The following THSD7A variants were observed in gnomAD, a reference collection of about 807,000 sequenced individuals.
THSD7A encodes thrombospondin type 1 domain containing 7A.
THSD7A carries 96 observed loss-of-function variants against 231.3 expected under a neutral mutation model. The ratio of observed to expected loss-of-function variants is 0.41; its 90% CI spans 0.35 to 0.49. The LOEUF (loss-of-function observed/expected upper bound fraction) is 0.49. THSD7A is among the 20% of genes least tolerant of loss of function. THSD7A has a pLI of 0.05. For missense variants in THSD7A, 2,290 were observed against 2,070.2 expected, an observed-to-expected ratio of 1.11 and a Z score of -2.06; for synonymous variants, 940 against 743.3, an observed-to-expected ratio of 1.26 and a Z score of -4.30.
chr7:11,512,868 G>A lies in THSD7A; in HGVS notation c.1822+28551C>T, dbSNP rs921396693. On this transcript the variant is annotated intron_variant, in intron 6 of 27. Coordinates refer to ENST00000423059, the MANE Select transcript of THSD7A (RefSeq NM_015204.3). The stretch of plus-strand genomic sequence containing the variant: ...GGTGCAACATACCAACATGGCACAT[G>A]TATACATACGTAACGAATCTGCACA... Among the ~76,000 whole-genome samples the A allele has an allele frequency of 4.1e-5, 6 of 147,670 alleles. No homozygotes were observed. The Admixed American group carries it at 4.1e-4, about 10-fold the overall frequency.
intron 1 of THSD7A, among the ~76,000 whole-genome samples, chr7:11,751,714 T>A (rs1228712359): frequency 6.6e-6 from 1 of 151,986 alleles, no homozygotes; most frequent in African/African-American, 2.4e-5. Context: ...AGTTTTAGAC[T>A]TTACGGTACA....
At position 11,447,407 on chromosome 7, in the gene THSD7A, G is replaced by A; in HGVS notation, c.2623C>T (p.Gln875Ter). The A allele has an allele frequency of 6.4e-7, 1 of 1,569,484 alleles. No homozygotes were observed. The highest frequency in any genetic ancestry group is 2.3e-5 in the East Asian group (1 of 43,284). The change falls in exon 12 of 28, where the codon CAA becomes TAA. Residue 875 changes from glutamine (Q) to a stop codon, truncating the protein, a stop_gained. Transcript: ENST00000423059. LOFTEE classifies it high-confidence loss of function. ...RQARAITCRK[Q>*]DGGQAGIHEC... ...TGGATTCCAGCCTGTCCTCCATCTT[G>A]CTTGCGACAAGTAATGGCTAAAAGA... is the stretch of plus-strand genomic sequence containing the variant.
intron 1 of THSD7A, among the ~76,000 whole-genome samples, chr7:11,808,225 A>T (rs1217890691): frequency 6.6e-6 from 1 of 152,146 alleles, no homozygotes; most frequent in Non-Finnish European, 1.5e-5. Flanking sequence ...CCAATGTGAC[A>T]ATATTAAAAT....
At chr7:11,567,738 G>C (rs1790423727) in intron 4 of THSD7A, among the ~76,000 whole-genome samples, 1 of 152,250 alleles carries the variant, frequency 6.6e-6, no homozygotes, top group South Asian at 2.1e-4. Context: ...AACCACAGCT[G>C]TATATGGACC....
chr7:11,519,389 A>T (rs1043184132), intron 6 of THSD7A, among the ~76,000 whole-genome samples: 2 of 151,256 alleles, frequency 1.3e-5, no homozygotes, highest in Non-Finnish European at 2.9e-5. Flanking sequence ...CTTCCTTTAC[A>T]TGTATTTAAT....
rs1783599148 is a variant in THSD7A, at chr7:11,406,863, C to T, written c.4062+47G>A. ...TTATGTTTTTCTGCAGATGAAGTCT[C>T]TGCAGATAGAGTACACACTTCCTGA... On this transcript the variant is annotated intron_variant, in intron 21 of 27. Coordinates refer to ENST00000423059, the MANE Select transcript of THSD7A (RefSeq NM_015204.3). The surrounding 1 kb of genome is among the most constrained non-coding windows in gnomAD (Gnocchi z 4.7). 6.2e-7 allele frequency: 1 copy of T among 1,603,056 alleles called. No individual in the cohort carries two copies. The highest frequency in any genetic ancestry group is 1.3e-5 in the African/African-American group (1 of 74,700).
At chr7:11,476,679 T>C (rs1404137426) in intron 7 of THSD7A, among the ~76,000 whole-genome samples, 1 of 151,780 alleles carries the variant, frequency 6.6e-6, no homozygotes, top group Non-Finnish European at 1.5e-5. Flanking sequence ...TAGTCAGGCA[T>C]GGTGGTGCTC....
intron 2 of THSD7A, among the ~76,000 whole-genome samples, chr7:11,595,009 T>C (rs926987786): frequency 3.3e-5 from 5 of 152,152 alleles, no homozygotes; most frequent in Non-Finnish European, 7.3e-5. Context: ...AAGAAAAAGC[T>C]TCCCCATCCC....
At chr7:11,660,003 A>C (rs563236920) in intron 1 of THSD7A, among the ~76,000 whole-genome samples, 1 of 151,568 alleles carries the variant, frequency 6.6e-6, no homozygotes. Context: ...CCTCCAAGGT[A>C]ATTTACATGT....
intron 23 of THSD7A, among the ~76,000 whole-genome samples, chr7:11,400,255 A>G (rs1783352844): frequency 6.6e-6 from 1 of 151,996 alleles, no homozygotes. Flanking sequence ...GCACATGTAT[A>G]CATATGTAAC....
At chr7:11,495,343 G>A (rs115288295) in intron 6 of THSD7A, among the ~76,000 whole-genome samples, 170 of 152,036 alleles carry the variant, frequency 1.1e-3, no homozygotes, top group African/African-American at 3.9e-3. Context: ...ACCCTTGGCC[G>A]TAGGTGCTTA....
At chr7:11,682,794 C>G (rs959350147) in intron 1 of THSD7A, among the ~76,000 whole-genome samples, 6 of 151,894 alleles carry the variant, frequency 4.0e-5, no homozygotes, top group Non-Finnish European at 8.8e-5. Context: ...CTCACAACCA[C>G]AGAATATACA....
At position 11,732,144 on chromosome 7, in the gene THSD7A, T is replaced by C. The variant is rs182215455; in HGVS notation, c.191-95183A>G. On this transcript the variant is annotated intron_variant, in intron 1 of 27. Coordinates refer to ENST00000423059, the MANE Select transcript of THSD7A (RefSeq NM_015204.3). ...CTGAAAAAAGAGATAATGCTGTTTA[T>C]TGAGCATCAGATGCATGAGTACATG... Among the ~76,000 whole-genome samples the C allele has an allele frequency of 6.1e-3, 934 of 151,886 alleles. 14 individuals carry two copies. Among genetic ancestry groups the C allele is most frequent in the African/African-American group, 0.02 (812 of 41,552 alleles).
At chr7:11,608,916 T>G (rs887541217) in intron 2 of THSD7A, among the ~76,000 whole-genome samples, 6 of 152,178 alleles carry the variant, frequency 3.9e-5, no homozygotes, top group Non-Finnish European at 8.8e-5. Context: ...TCAATTCTCC[T>G]GTATGTAATT....
rs140512568 is a variant in THSD7A, at chr7:11,815,950, A to G, written c.190+15807T>C. On this transcript the variant is annotated intron_variant, in intron 1 of 27. Transcript: ENST00000423059. ...AAACATGCCATTTAATTTCTTCACA[A>G]CTGTTCCTTCTCTGCCTGGAATTCT... is the stretch of plus-strand genomic sequence containing the variant. 8.8e-3 allele frequency among the ~76,000 whole-genome samples: 1,335 copies of G among 152,122 alleles called. 14 individuals carry two copies. Among genetic ancestry groups the G allele is most frequent in the African/African-American group, 0.031 (1,279 of 41,488 alleles).
At chr7:11,450,957 C>T (rs987878282) in intron 11 of THSD7A, among the ~76,000 whole-genome samples, 2 of 151,962 alleles carry the variant, frequency 1.3e-5, no homozygotes, top group Non-Finnish European at 2.9e-5. Context: ...TATCCATTTA[C>T]TTCATTTATT....
intron 4 of THSD7A, among the ~76,000 whole-genome samples, chr7:11,578,761 GA>G (rs1433979200): frequency 6.6e-6 from 1 of 152,156 alleles, no homozygotes; most frequent in African/African-American, 2.4e-5. Flanking sequence ...TTACAAGGCA[GA>G]AAATAGAGGA....
intron 4 of THSD7A, among the ~76,000 whole-genome samples, chr7:11,574,467 C>T (rs1010528668): frequency 2.7e-5 from 4 of 149,466 alleles, no homozygotes; most frequent in African/African-American, 9.9e-5. Context: ...CAGAGTTTCG[C>T]TCTGTCGCCC....
chr7:11,644,812 C>T (rs949635056), intron 1 of THSD7A, among the ~76,000 whole-genome samples: 2 of 151,874 alleles, frequency 1.3e-5, no homozygotes, highest in African/African-American at 4.8e-5. Context: ...TTTAAAAATA[C>T]GATATCCTCT....
Sources: gnomAD v4.1 joint callset for allele counts (sites outside exome capture counted in the v4.1 genomes callset) on GRCh38, gnomAD v4.1.1 for gene constraint, Gnocchi (gnomAD v3.1) non-coding constraint, MANE v1.5 for transcripts, NCBI Gene and HGNC (gene_info 2026-07-23, HGNC 2026-07-21) for gene names.